The following LPIN1 variants were observed in gnomAD, a reference collection of about 807,000 sequenced individuals.
The protein encoded by LPIN1 is lipin 1.
LPIN1 carries 71 observed loss-of-function variants against 107.5 expected under a neutral mutation model. The ratio of observed to expected loss-of-function variants is 0.66; its 90% confidence interval spans 0.55 to 0.80. The LOEUF is 0.80. Ranked by LOEUF, LPIN1 falls within the 30% of genes least tolerant of loss-of-function variation. The pLI is 0.00. For missense variants in LPIN1, 1,043 were observed against 1,160.6 expected (o/e 0.90, Z 1.47); for synonymous variants, 445 against 452.6 (o/e 0.98, Z 0.21).
intron 18 of LPIN1, chr2:11,816,446 A>G (rs1558303471): frequency 2.0e-5 from 3 of 152,256 alleles, no homozygotes; most frequent in Non-Finnish European, 2.9e-5. Context: ...AAAAGTCCAC[A>G]TCGTTACTCC....
intron 20 of LPIN1, among the ~76,000 whole-genome samples, chr2:11,823,526 C>T (rs956600393): frequency 8.1e-6 from 1 of 123,746 alleles, no homozygotes; most frequent in Non-Finnish European, 1.8e-5. Flanking sequence ...TATACACACT[C>T]GGCTTCATTT....
chr2:11,736,692 A>G (rs1181695666), intron 1 of LPIN1, among the ~76,000 whole-genome samples: 11 of 152,244 alleles, frequency 7.2e-5, no homozygotes, highest in Non-Finnish European at 1.6e-4. Flanking sequence ...CCAATGATTG[A>G]AATACTAGAA....
At chr2:11,728,335 T>C (rs963703669) in intron 1 of LPIN1, among the ~76,000 whole-genome samples, 8 of 152,192 alleles carry the variant, frequency 5.3e-5, no homozygotes, top group African/African-American at 1.9e-4. Flanking sequence ...GGTATATTCA[T>C]TGTGATTTTT....
intron 14 of LPIN1, among the ~76,000 whole-genome samples, chr2:11,797,198 A>G (rs1189009178): frequency 6.6e-6 from 1 of 152,268 alleles, no homozygotes; most frequent in Non-Finnish European, 1.5e-5. Context: ...AGCACAGAGC[A>G]GGATGTACAG....
chr2:11,801,058 C>CATGGCT (rs1444272440), intron 14 of LPIN1, among the ~76,000 whole-genome samples: 2 of 152,320 alleles, frequency 1.3e-5, no homozygotes, highest in African/African-American at 4.8e-5. Flanking sequence ...AGTGAGATAG[C>CATGGCT]ATCTCACCCC....
chr2:11,756,421 C>A (rs1278656222), intron 1 of LPIN1, among the ~76,000 whole-genome samples: 2 of 152,180 alleles, frequency 1.3e-5, no homozygotes, highest in Admixed American at 1.3e-4. Context: ...TGGAGTCTCA[C>A]TCTGTCGCCC....
chr2:11,718,256 C>T (rs1663884149), intron 2 of LPIN1, among the ~76,000 whole-genome samples: 1 of 152,126 alleles, frequency 6.6e-6, no homozygotes, highest in East Asian at 1.9e-4. Flanking sequence ...GAGATGGAGT[C>T]TTGCTCTGTC....
intron 1 of LPIN1, among the ~76,000 whole-genome samples, chr2:11,759,236 A>C (rs1178329700): frequency 7.5e-6 from 1 of 133,750 alleles, no homozygotes; most frequent in Non-Finnish European, 1.6e-5. Flanking sequence ...GCAGAGGGGG[A>C]TTTGGCAGGG....
chr2:11,678,362 G>A (rs547813411), intron 1 of LPIN1, among the ~76,000 whole-genome samples: 14 of 152,352 alleles, frequency 9.2e-5, no homozygotes, highest in Admixed American at 6.5e-4. Flanking sequence ...AGTGAGTCCC[G>A]AGGGTAGGGC....
Position 11,813,878 on chromosome 2 carries a change from C to T in LPIN1, c.2250-1210C>T, listed in dbSNP as rs917283698. Among the ~76,000 whole-genome samples, 7 of 151,872 alleles carry T rather than the reference C, an allele frequency of 4.6e-5. No individual in the cohort carries two copies. The East Asian group carries it at 5.8e-4, about 13-fold the overall frequency. On this transcript the variant is annotated intron_variant, in intron 17 of 20. Transcript: ENST00000674199. ...GCAGTGCGCCAAGATCACGCCACTGCGCTCCATCCTGGGGGACAGAGCAAG... is the reference window on the plus strand; with the variant it reads ...GCAGTGCGCCAAGATCACGCCACTGTGCTCCATCCTGGGGGACAGAGCAAG...
intron 2 of LPIN1, among the ~76,000 whole-genome samples, chr2:11,717,023 G>T (rs926494167): frequency 6.6e-6 from 1 of 152,070 alleles, no homozygotes; most frequent in African/African-American, 2.4e-5. Context: ...TTGTCTTTAG[G>T]TTGGGAAAGG....
intron 1 of LPIN1, among the ~76,000 whole-genome samples, chr2:11,724,947 T>C (rs1223391578): frequency 6.6e-6 from 1 of 152,134 alleles, no homozygotes; most frequent in East Asian, 1.9e-4. Flanking sequence ...ACAATAATTT[T>C]CCCCCCAATA....
At chr2:11,747,573 G>A (rs992794821) in intron 1 of LPIN1, among the ~76,000 whole-genome samples, 2 of 152,206 alleles carry the variant, frequency 1.3e-5, no homozygotes, top group African/African-American at 4.8e-5. Context: ...ATCAAAGCTT[G>A]TAGCCGTTTT....
chr2:11,714,242 C>T (rs1316598825), intron 2 of LPIN1, among the ~76,000 whole-genome samples: 1 of 152,180 alleles, frequency 6.6e-6, no homozygotes, highest in Non-Finnish European at 1.5e-5. Context: ...CCCTCAAGGC[C>T]CTTCCCCAGA....
At chr2:11,783,535 C>T (rs971965591) in intron 8 of LPIN1, among the ~76,000 whole-genome samples, 2 of 152,150 alleles carry the variant, frequency 1.3e-5, no homozygotes, top group African/African-American at 4.8e-5. Context: ...TCGGTACCTA[C>T]AAGTGTGACC....
chr2:11,701,789 C>G (rs939559227), intron 1 of LPIN1, among the ~76,000 whole-genome samples: 1 of 152,168 alleles, frequency 6.6e-6, no homozygotes, highest in Non-Finnish European at 1.5e-5. Context: ...GATTCTAAAG[C>G]CTGTGTGTTT....
chr2:11,804,433 A>G lies in LPIN1; in HGVS notation c.2024A>G (p.Lys675Arg). The change falls in exon 16 of 21, where the codon AAG becomes AGG. Residue 675 changes from lysine to arginine, a missense_variant. Lys to Arg is a conservative substitution (Grantham distance 26). Transcript: ENST00000674199. ...GTTCATGTTTTTCAGAAAAGCTTGA[A>G]GTTGAAGAATGGCCCCAACGACGTG... Reference protein sequence around the residue: ...RLTSEQLKSLKLKNGPNDVVF... With the variant: ...RLTSEQLKSLRLKNGPNDVVF... 2 of 1,614,248 alleles carry G rather than the reference A, an allele frequency of 1.2e-6. No individual in the cohort carries two copies. Among genetic ancestry groups the G allele is most frequent in the East Asian group, 2.2e-5 (1 of 44,890 alleles).
At chr2:11,806,039 T>G (rs997913478) in intron 17 of LPIN1, among the ~76,000 whole-genome samples, 2 of 152,196 alleles carry the variant, frequency 1.3e-5, no homozygotes, top group Non-Finnish European at 2.9e-5. Flanking sequence ...CAGTTAGAGC[T>G]GGAAGGTGCC....
At chr2:11,805,328 A>T (rs1678488621) in intron 17 of LPIN1, 172 bp downstream of exon 17, 9 of 673,636 alleles carry the variant, frequency 1.3e-5, no homozygotes. Context: ...AGTGAAAGTG[A>T]ATCCCAGCAA....
Sources: allele counts gnomAD v4.1 joint callset (sites outside exome capture counted in the v4.1 genomes callset), GRCh38; gene constraint gnomAD v4.1.1; transcripts MANE v1.5; gene names NCBI Gene and HGNC (gene_info 2026-07-23, HGNC 2026-07-21).